The following TEX36 variants were observed in gnomAD, a reference collection of about 807,000 sequenced individuals.
TEX36 encodes the protein testis-expressed protein 36.
A neutral mutation model predicts 13.6 loss-of-function variants in TEX36; 12 were observed. The ratio of observed to expected loss-of-function variants is 0.88; its 90% CI spans 0.56 to 1.43. The LOEUF is 1.43. Ranked by LOEUF, TEX36 falls within the 40% of genes most tolerant of loss-of-function variation. The pLI, the probability that TEX36 is intolerant of heterozygous loss-of-function variation, is 0.00. For synonymous variants in TEX36, 93 were observed against 83.0 expected (o/e 1.12, Z -0.65); for missense variants, 224 against 228.3 (o/e 0.98, Z 0.12).
At chr10:125,610,882 A>C (rs1846280613) in intron 3 of TEX36, among the ~76,000 whole-genome samples, 1 of 152,134 alleles carries the variant, frequency 6.6e-6, no homozygotes, top group Non-Finnish European at 1.5e-5. Context: ...TCATATTGAT[A>C]ATCAATTATC....
chr10:125,614,309 G>T (rs1384898056), intron 3 of TEX36, among the ~76,000 whole-genome samples: 8 of 152,082 alleles, frequency 5.3e-5, no homozygotes, highest in African/African-American at 1.9e-4. Context: ...GTCAATTTTG[G>T]CTTTTGTTGC....
chr10:125,662,507 G>C (rs11244598), intron 1 of TEX36, among the ~76,000 whole-genome samples: 3 of 152,098 alleles, frequency 2.0e-5, no homozygotes, highest in East Asian at 1.9e-4. Flanking sequence ...GGAAAAAGAG[G>C]GGGTAGAAGG....
At chr10:125,633,259 T>C (rs1055517924) in intron 3 of TEX36, among the ~76,000 whole-genome samples, 2 of 152,226 alleles carry the variant, frequency 1.3e-5, no homozygotes, top group African/African-American at 4.8e-5. Context: ...TGAGAGATGA[T>C]TTTTTGTTAA....
At chr10:125,589,637 T>C (rs1286292789) in intron 3 of TEX36, among the ~76,000 whole-genome samples, 2 of 152,254 alleles carry the variant, frequency 1.3e-5, no homozygotes, top group Non-Finnish European at 2.9e-5. Context: ...TATTATTTAT[T>C]TGTCTTATAA....
At chr10:125,605,432 GTTAA>G (rs1221127305) in intron 3 of TEX36, among the ~76,000 whole-genome samples, 1 of 132,366 alleles carries the variant, frequency 7.6e-6, no homozygotes, top group African/African-American at 4.3e-5. Context: ...AATGTGGTCA[GTTAA>G]TCTCCATACA....
chr10:125,676,090 A>G (rs1847306258), intron 1 of TEX36, among the ~76,000 whole-genome samples: 1 of 152,282 alleles, frequency 6.6e-6, no homozygotes, highest in South Asian at 2.1e-4. Context: ...TATATTCTCC[A>G]GTTGTTTGAT....
chr10:125,675,288 G>C (rs1847294006), intron 1 of TEX36, among the ~76,000 whole-genome samples: 1 of 152,210 alleles, frequency 6.6e-6, no homozygotes, highest in African/African-American at 2.4e-5. Context: ...AAAAATGGCA[G>C]ACTGGAGCTA....
chr10:125,616,026 T>C (rs1444646385), intron 3 of TEX36, among the ~76,000 whole-genome samples: 11 of 152,092 alleles, frequency 7.2e-5, no homozygotes, highest in Admixed American at 5.9e-4. Flanking sequence ...GTGTATGTGT[T>C]GAGGAATTTA....
At position 125,667,940 on chromosome 10, in the gene TEX36, C is replaced by T. The variant is rs9422923; in HGVS notation, c.52-5963G>A. ...CTGCTCCAGGGTCAATGCTGGATAT[C>T]GGTAGGGCATGGTGCTGGTGGTGGC... On this transcript the variant is annotated intron_variant, in intron 1 of 3. Transcript: ENST00000368821. 4,830 of 1,112,952 alleles carry T rather than the reference C, an allele frequency of 4.3e-3. 134 individuals are homozygous for T. The African/African-American group carries it at 0.062, about 14-fold the overall frequency. The allele number at this position is 1,112,952 out of a possible 1,614,324, so 68.9% of individuals were successfully genotyped here. A position where few individuals can be genotyped will look rare whatever the true frequency, so the allele number is the denominator to read the frequency against.
chr10:125,661,826 G>C lies in TEX36; in HGVS notation c.183+20C>G. On this transcript the variant is annotated intron_variant, in intron 2 of 3. Transcript: ENST00000368821. ...GAGGTCCACAGGAGCACATGGCAGT[G>C]GCCAGTGTTCAGGACTCACCTTCTC... 2 of 1,551,620 alleles carry C rather than the reference G, an allele frequency of 1.3e-6. No individual in the cohort carries two copies. Among genetic ancestry groups the C allele is most frequent in the Non-Finnish European group, 1.7e-6 (2 of 1,146,930 alleles).
intron 1 of TEX36, among the ~76,000 whole-genome samples, chr10:125,663,906 T>G (rs1327072811): frequency 1.3e-5 from 2 of 152,210 alleles, no homozygotes; most frequent in Non-Finnish European, 2.9e-5. Flanking sequence ...TATGATTGAC[T>G]GTAGTCACCC....
chr10:125,593,535 A>G (rs1177314027), intron 3 of TEX36, among the ~76,000 whole-genome samples: 1 of 152,244 alleles, frequency 6.6e-6, no homozygotes, highest in Non-Finnish European at 1.5e-5. Flanking sequence ...AAACAGGCTA[A>G]TACATTAGAA....
downstream of TEX36, among the ~76,000 whole-genome samples, chr10:125,620,898 G>C (rs297254): frequency 6.6e-6 from 1 of 152,050 alleles, no homozygotes; most frequent in Admixed American, 6.6e-5. Context: ...TTTGTGGCTG[G>C]TTTATTTTAT....
intron 1 of TEX36, among the ~76,000 whole-genome samples, chr10:125,670,192 C>G (rs1847201111): frequency 6.6e-6 from 1 of 152,238 alleles, no homozygotes; most frequent in Admixed American, 6.5e-5. Context: ...AATGGTTGAA[C>G]TAATTTACAT....
chr10:125,682,712 A>G (rs1847415539), intron 1 of TEX36, among the ~76,000 whole-genome samples: 1 of 152,244 alleles, frequency 6.6e-6, no homozygotes. Flanking sequence ...GTGGACATTC[A>G]CGAGGTTCCA....
chr10:125,596,788 A>G (rs1474500660), intron 3 of TEX36, among the ~76,000 whole-genome samples: 1 of 152,212 alleles, frequency 6.6e-6, no homozygotes, highest in Non-Finnish European at 1.5e-5. Context: ...GGCAAGGATC[A>G]AGCCAGCTGT....
chr10:125,597,008 C>T lies in TEX36; in HGVS notation c.265-20134G>A, dbSNP rs990045786. On this transcript the variant is annotated intron_variant, in intron 3 of 3. Transcript: ENST00000532135. ...GGATGACATGAGATGCCCTTTGCAA[C>T]ATTGCTAGAACAGCTGGCACCTATG... 5.3e-5 allele frequency among the ~76,000 whole-genome samples: 8 copies of T among 152,216 alleles called. No individual in the cohort carries two copies. In the South Asian group the frequency reaches 8.3e-4, roughly 16 times the overall value.
intron 3 of TEX36, among the ~76,000 whole-genome samples, chr10:125,641,798 G>A (rs1397202977): frequency 6.6e-6 from 1 of 152,192 alleles, no homozygotes; most frequent in East Asian, 1.9e-4. Flanking sequence ...TTGTATTGGG[G>A]ACATCTATGC....
Position 125,664,509 on chromosome 10 carries a change from C to T in TEX36, c.52-2532G>A, listed in dbSNP as rs187219346. Among the ~76,000 whole-genome samples, 212 of 152,250 alleles carry T rather than the reference C, an allele frequency of 1.4e-3. 1 individual carries two copies. Among genetic ancestry groups the T allele is most frequent in the South Asian group, 4.4e-3 (21 of 4,818 alleles). The stretch of plus-strand genomic sequence containing the variant: ...TAGAATCCCCAAATGTCAGAAGAGG[C>T]GCCTGGTGGGAGGTGATTGGATCAT... On this transcript the variant is annotated intron_variant, in intron 1 of 3. Coordinates refer to ENST00000368821, the MANE Select transcript of TEX36 (RefSeq NM_001128202.3).
Sources: gnomAD v4.1 joint callset for allele counts (sites outside exome capture counted in the v4.1 genomes callset) on GRCh38, gnomAD v4.1.1 for gene constraint, MANE v1.5 for transcripts, NCBI Gene and HGNC (gene_info 2026-07-23, HGNC 2026-07-21) for gene names.